DZIP3: variants seen among roughly 807,000 people sequenced by gnomAD.
DZIP3 encodes the protein E3 ubiquitin-protein ligase DZIP3.
In DZIP3, 118 loss-of-function variants were observed where a neutral mutation model predicts 162.0. The ratio of observed to expected loss-of-function variants is 0.73; its 90% CI spans 0.63 to 0.85. The LOEUF is 0.85. DZIP3 is among the 40% of genes least tolerant of loss of function. The pLI, the probability that DZIP3 is intolerant of heterozygous loss-of-function variation, is 0.00. For synonymous variants in DZIP3, 438 were observed against 458.6 expected, an observed-to-expected ratio of 0.96 and a Z score of 0.57; for missense variants, 1,331 against 1,407.0, an observed-to-expected ratio of 0.95 and a Z score of 0.86.
intron 4 of DZIP3, 32 bp downstream of exon 4, chr3:108,611,361 G>A (rs1940698122): frequency 6.2e-7 from 1 of 1,608,078 alleles, no homozygotes; most frequent in South Asian, 1.1e-5. Context: ...TGGGGCAGAA[G>A]TGCAGCTGTC....
chr3:108,653,507 G>GTATATA (rs57047978), intron 18 of DZIP3, among the ~76,000 whole-genome samples: 5,016 of 103,416 alleles, frequency 0.049, 186 homozygotes, highest in Non-Finnish European at 0.057. Context: ...GTGTGTGTGT[G>GTATATA]TATATATATA....
chr3:108,676,010 G>T, intron 25 of DZIP3, 137 bp downstream of exon 25: 1 of 691,132 alleles, frequency 1.4e-6, no homozygotes, highest in Non-Finnish European at 2.4e-6. Context: ...TTCACTTTGA[G>T]ATTACTTCCA....
intron 17 of DZIP3, among the ~76,000 whole-genome samples, chr3:108,649,732 T>C (rs1035371962): frequency 4.0e-5 from 6 of 151,838 alleles, no homozygotes; most frequent in Non-Finnish European, 8.9e-5. Flanking sequence ...TTGTAATCAT[T>C]AATGAAACTT....
intron 7 of DZIP3, 72 bp downstream of exon 7, chr3:108,626,041 C>CT: frequency 6.7e-7 from 1 of 1,497,342 alleles, no homozygotes; most frequent in South Asian, 1.3e-5. Flanking sequence ...TAAGTGTGCA[C>CT]AGTATATCAG....
chr3:108,616,002 C>A (rs757607290), intron 4 of DZIP3, among the ~76,000 whole-genome samples: 4 of 152,074 alleles, frequency 2.6e-5, no homozygotes, highest in Non-Finnish European at 5.9e-5. Context: ...CAGTGGCTCA[C>A]GCCTGTAATC....
intron 1 of DZIP3, among the ~76,000 whole-genome samples, chr3:108,593,808 G>A (rs955480098): frequency 3.3e-5 from 5 of 151,488 alleles, no homozygotes; most frequent in Non-Finnish European, 7.4e-5. Context: ...GGGAACACAG[G>A]CATGCCCCGC....
At chr3:108,594,467 G>A (rs1243274622) in intron 1 of DZIP3, among the ~76,000 whole-genome samples, 1 of 127,646 alleles carries the variant, frequency 7.8e-6, no homozygotes, top group Non-Finnish European at 1.5e-5. Context: ...TTCAAGTTTG[G>A]GGTACATGTG....
chr3:108,620,968 C>T (rs1364936847), intron 5 of DZIP3, among the ~76,000 whole-genome samples: 2 of 152,006 alleles, frequency 1.3e-5, no homozygotes, highest in Non-Finnish European at 2.9e-5. Flanking sequence ...ACTACAGGCG[C>T]GTGCCACCAC....
chr3:108,610,765 T>G (rs1416980432), intron 3 of DZIP3, among the ~76,000 whole-genome samples: 1 of 152,222 alleles, frequency 6.6e-6, no homozygotes, highest in African/African-American at 2.4e-5. Context: ...TGTGCCTTAT[T>G]AATTCTGTAA....
At chr3:108,598,866 A>G (rs1224168869) in intron 1 of DZIP3, among the ~76,000 whole-genome samples, 2 of 152,168 alleles carry the variant, frequency 1.3e-5, no homozygotes, top group East Asian at 1.9e-4. Flanking sequence ...TAGCAGTGCT[A>G]TCTGTAAATG....
chr3:108,653,425 T>TCGGCC (rs1942950652), intron 18 of DZIP3, among the ~76,000 whole-genome samples: 1 of 149,820 alleles, frequency 6.7e-6, no homozygotes, highest in Non-Finnish European at 1.5e-5. Context: ...TACTAAGTAG[T>TCGGCC]AGGCCAAGTG....
intron 21 of DZIP3, among the ~76,000 whole-genome samples, chr3:108,663,125 A>G (rs74506478): frequency 0.014 from 2,104 of 152,336 alleles, 29 homozygotes; most frequent in Admixed American, 0.028. Flanking sequence ...ACTAGGTGCC[A>G]TAGTTCTGAC....
intron 19 of DZIP3, among the ~76,000 whole-genome samples, chr3:108,659,592 C>T (rs1186630287): frequency 6.6e-6 from 1 of 151,802 alleles, no homozygotes; most frequent in South Asian, 2.1e-4. Context: ...CAGGGATGCC[C>T]TCTCTCACCA....
intron 26 of DZIP3, among the ~76,000 whole-genome samples, chr3:108,678,729 A>G (rs1217963331): frequency 1.3e-5 from 2 of 152,036 alleles, no homozygotes; most frequent in African/African-American, 4.8e-5. Context: ...ATCTTAAGAG[A>G]TCTGGCAGTA....
At chr3:108,637,122 A>T (rs535944653) in intron 11 of DZIP3, among the ~76,000 whole-genome samples, 62 of 152,062 alleles carry the variant, frequency 4.1e-4, no homozygotes, top group Admixed American at 2.4e-3. Context: ...CATAAAATGC[A>T]CTCAGATGAT....
At position 108,625,868 on chromosome 3, in the gene DZIP3, A is replaced by G; in HGVS notation, c.480A>G (p.Lys160=). ...AGGATTATACAGAAGCTGAGAATAA[A>G]TTTCTGGTGATGAAGATGATGATCC... ...KKEDYTEAEN[K]FLVMKMMIQE... is the part of the protein sequence containing the mutation. The change falls in exon 7 of 33, where the codon AAA becomes AAG. Residue 160 remains lysine (K), a synonymous_variant. Coordinates refer to ENST00000361582, the MANE Select transcript of DZIP3 (RefSeq NM_014648.4). The G allele has an allele frequency of 6.2e-7, 1 of 1,612,756 alleles. No individual in the cohort carries two copies. The highest frequency in any genetic ancestry group is 1.1e-5 in the South Asian group (1 of 90,850).
At chr3:108,650,690 G>A (rs1387953732) in intron 17 of DZIP3, among the ~76,000 whole-genome samples, 1 of 150,988 alleles carries the variant, frequency 6.6e-6, no homozygotes, top group Non-Finnish European at 1.5e-5. Flanking sequence ...CTTATATATA[G>A]GTTTTCAAGA....
At chr3:108,658,403 C>G (rs1227570807) in intron 19 of DZIP3, among the ~76,000 whole-genome samples, 1 of 151,836 alleles carries the variant, frequency 6.6e-6, no homozygotes, top group Non-Finnish European at 1.5e-5. Flanking sequence ...GGGTACATAA[C>G]GAAATGAAGG....
chr3:108,677,298 A>G (rs1302998728), intron 25 of DZIP3, among the ~76,000 whole-genome samples, 199 bp from the exon 26 acceptor site: 1 of 151,848 alleles, frequency 6.6e-6, no homozygotes, highest in Non-Finnish European at 1.5e-5. Flanking sequence ...AACGACTCCT[A>G]AAAATACAAC....
Sources: gnomAD v4.1 joint callset for allele counts (sites outside exome capture counted in the v4.1 genomes callset) on GRCh38, gnomAD v4.1.1 for gene constraint, MANE v1.5 for transcripts, NCBI Gene and HGNC (gene_info 2026-07-23, HGNC 2026-07-21) for gene names.